Variants in EML1 observed in about 807,000 individuals in gnomAD.
EML1 encodes the protein EMAP like 1.
EML1 carries 27 observed loss-of-function variants against 110.4 expected under a neutral mutation model. The ratio of observed to expected loss-of-function variants is 0.24; its 90% CI spans 0.18 to 0.34. The LOEUF is 0.34. Among genes scored for constraint, EML1 ranks in the 10% least tolerant of loss-of-function variants. EML1 has a pLI of 1.00. For missense variants in EML1, 741 were observed against 1,030.9 expected, an observed-to-expected ratio of 0.72 and a Z score of 3.85; for synonymous variants, 344 against 385.8, an observed-to-expected ratio of 0.89 and a Z score of 1.27.
At position 99,939,099 on chromosome 14, in the gene EML1, C is replaced by T; in HGVS notation, c.2192-98C>T. 3 of 1,510,804 alleles carry T rather than the reference C, an allele frequency of 2.0e-6. No individual in the cohort carries two copies. The highest frequency in any genetic ancestry group is 1.8e-6 in the Non-Finnish European group (2 of 1,127,456). 93.6% of individuals were successfully genotyped at this position (1,510,804 alleles called of 1,614,324 possible). A position where few individuals can be genotyped will look rare whatever the true frequency, so the allele number is the denominator to read the frequency against. ...CTTGTTTCTAAAGCTGGACTTCAGG[C>T]AGTTTCATGTTCAGGACCGTTCAGT... On this transcript the variant is annotated intron_variant, in intron 20 of 21. Coordinates refer to ENST00000262233, the MANE Select transcript of EML1 (RefSeq NM_004434.3). This position sits in a 1 kb window ranked among gnomAD's most constrained non-coding sequence, Gnocchi z 4.2.
chr14:99,830,024 G>A lies in EML1; in HGVS notation c.68-20829G>A, dbSNP rs78895100. Reference sequence around the variant, plus strand: ...GTGTCTACCTAGGAGTAGAATTGCCGGATCATATGGTGATCCTACGTTTAA... The same window carrying A: ...GTGTCTACCTAGGAGTAGAATTGCCAGATCATATGGTGATCCTACGTTTAA... On this transcript the variant is annotated intron_variant, in intron 1 of 21. Transcript: ENST00000262233. Among the ~76,000 whole-genome samples, 561 of 152,288 alleles carry A rather than the reference G, an allele frequency of 3.7e-3. 4 individuals carry two copies. The highest frequency in any genetic ancestry group is 0.01 in the South Asian group (50 of 4,824).
At chr14:99,886,476 G>A (rs2059477013) in intron 4 of EML1, among the ~76,000 whole-genome samples, 1 of 152,226 alleles carries the variant, frequency 6.6e-6, no homozygotes, top group Non-Finnish European at 1.5e-5. Flanking sequence ...GCCAGACCCT[G>A]TCTCAAACAA....
chr14:99,761,006 C>A (rs1206867035), intron 1 of EML1, among the ~76,000 whole-genome samples: 1 of 152,124 alleles, frequency 6.6e-6, no homozygotes, highest in African/African-American at 2.4e-5. Flanking sequence ...CCCTCTCAGA[C>A]CAACCATGCC....
At chr14:99,841,415 T>TAAC (rs1471991879) in intron 1 of EML1, among the ~76,000 whole-genome samples, 9 of 152,202 alleles carry the variant, frequency 5.9e-5, no homozygotes, top group African/African-American at 2.2e-4. Flanking sequence ...TCATACACGC[T>TAAC]AACATTCATC....
At chr14:99,917,027 C>A (rs1312420544) in intron 15 of EML1, among the ~76,000 whole-genome samples, 1 of 152,178 alleles carries the variant, frequency 6.6e-6, no homozygotes, top group Non-Finnish European at 1.5e-5. Context: ...CATGATCCTT[C>A]CAGGCCTCCA....
intron 1 of EML1, among the ~76,000 whole-genome samples, chr14:99,743,047 T>G (rs1421899598): frequency 1.3e-5 from 2 of 152,142 alleles, no homozygotes; most frequent in Non-Finnish European, 2.9e-5. Context: ...AATCCGCAGT[T>G]GGGAAGTCCC....
Position 99,895,604 on chromosome 14 carries a change from C to G in EML1, c.677+846C>G, listed in dbSNP as rs796220028. ...CTGAAAGGAGGACTAGCATTCTCCC[C>G]TTAAACCAAGTATGGACTTGGCCAG... On this transcript the variant is annotated intron_variant, in intron 6 of 21. Transcript: ENST00000262233. 4.5e-4 allele frequency among the ~76,000 whole-genome samples: 69 copies of G among 152,238 alleles called. 1 individual carries two copies. The highest frequency in any genetic ancestry group is 1.6e-3 in the African/African-American group (66 of 41,530).
Position 99,822,766 on chromosome 14 carries a change from A to G in EML1, c.68-28087A>G, listed in dbSNP as rs189533624. Among the ~76,000 whole-genome samples the G allele has an allele frequency of 6.9e-3, 1,047 of 152,248 alleles. 16 individuals are homozygous for G. The highest frequency in any genetic ancestry group is 0.024 in the African/African-American group (1,005 of 41,554). ...GGCCATTGAACTTAAACTTGCCTGCAGGGGGTGGCAGTAGAGGAAGCCCAC... is the reference window on the plus strand; with the variant it reads ...GGCCATTGAACTTAAACTTGCCTGCGGGGGGTGGCAGTAGAGGAAGCCCAC... On this transcript the variant is annotated intron_variant, in intron 1 of 21. Transcript: ENST00000262233.
At chr14:99,777,542 C>T (rs1345405151) in intron 1 of EML1, among the ~76,000 whole-genome samples, 1 of 152,172 alleles carries the variant, frequency 6.6e-6, no homozygotes, top group Non-Finnish European at 1.5e-5. Context: ...GCCTCAGCCT[C>T]CCCAGTAGCT....
chr14:99,790,865 C>CTTTTTTTTTTTT (rs763959981), upstream of EML1, among the ~76,000 whole-genome samples: 24,370 of 135,450 alleles, frequency 0.18, 2,818 homozygotes, highest in Non-Finnish European at 0.24. Flanking sequence ...TTTTTCTTTT[C>CTTTTTTTTTTTT]CTTTTTTTTT....
At position 99,911,417 on chromosome 14, in the gene EML1, T is replaced by C. The variant is rs764944512; in HGVS notation, c.1340-5T>C. The C allele has an allele frequency of 4.5e-5, 71 of 1,585,488 alleles. 1 individual carries two copies. Among genetic ancestry groups the C allele is most frequent in the Non-Finnish European group, 5.1e-6 (6 of 1,172,804 alleles). On this transcript the variant is annotated splice_region_variant and splice_polypyrimidine_tract_variant and intron_variant, in intron 12 of 21. Transcript: ENST00000262233. The stretch of plus-strand genomic sequence containing the variant: ...TGCTAATGATGGTTTTCTTGGTGTG[T>C]TTAGGTACAAATCGAATAAGCTATG...
At chr14:99,787,498 C>T (rs1239152468) in intron 1 of EML1, among the ~76,000 whole-genome samples, 1 of 152,022 alleles carries the variant, frequency 6.6e-6, no homozygotes, top group African/African-American at 2.4e-5. Context: ...AGGCTGGTCT[C>T]GAACCCCTGA....
At position 99,916,918 on chromosome 14, in the gene EML1, A is replaced by G. The variant is rs140411041; in HGVS notation, c.1753-864A>G. ...CCTCCCTCCCCTGTGTATCTCTTTC[A>G]TGGATCTCTTTCATGGATCATTCCA... On this transcript the variant is annotated intron_variant, in intron 15 of 21. Transcript: ENST00000262233. 9.2e-5 allele frequency among the ~76,000 whole-genome samples: 14 copies of G among 152,178 alleles called. No homozygotes were observed. In the East Asian group the frequency reaches 2.7e-3, roughly 29 times the overall value.
intron 1 of EML1, among the ~76,000 whole-genome samples, chr14:99,747,663 G>A (rs923514754): frequency 6.6e-6 from 1 of 152,168 alleles, no homozygotes; most frequent in African/African-American, 2.4e-5. Context: ...TTCATGGGGC[G>A]AGCAGGGTGA....
Position 99,894,662 on chromosome 14 carries a change from GC to G in EML1, c.584del (p.Pro195LeufsTer20). ...TATGTAAAAATGTTTCTTCGTGGACGCCCTGTTACCATGTACATGCCCAAAG... is the reference window on the plus strand; with the variant it reads ...TATGTAAAAATGTTTCTTCGTGGACGCCTGTTACCATGTACATGCCCAAAG... ...EGYVKMFLRG[R>X]PVTMYMPKDQ... is the part of the protein sequence containing the mutation. On this transcript the variant is annotated frameshift_variant, in exon 6 of 22. Transcript: ENST00000262233. LOFTEE classifies it high-confidence loss of function. 1 of 1,612,342 alleles carries G rather than the reference GC, an allele frequency of 6.2e-7. No individual in the cohort carries two copies. Among genetic ancestry groups the G allele is most frequent in the Non-Finnish European group, 8.5e-7 (1 of 1,179,412 alleles).
In EML1 at chr14:99,905,908, C is replaced by A. The variant is rs1234305005; in HGVS notation, c.1009-1730C>A. ...CTAAGTTAGGCCTCTAACCCAATCC[C>A]ATCCTTTGCCCAGGTGTGTGCCCCC... On this transcript the variant is annotated intron_variant, in intron 9 of 21. Transcript: ENST00000262233. This position sits in a 1 kb window ranked among gnomAD's most constrained non-coding sequence, Gnocchi z 4.1. Among the ~76,000 whole-genome samples the A allele has an allele frequency of 1.3e-5, 2 of 151,954 alleles. No homozygotes were observed. The highest frequency in any genetic ancestry group is 3.8e-4 in the East Asian group (2 of 5,196).
chr14:99,819,442 CT>C (rs1392680927), intron 1 of EML1, among the ~76,000 whole-genome samples: 5 of 152,024 alleles, frequency 3.3e-5, no homozygotes, highest in African/African-American at 1.2e-4. Flanking sequence ...GTGGTTTTTC[CT>C]TCCCATCTAT....
chr14:99,765,721 C>T (rs2057361570), intron 1 of EML1, among the ~76,000 whole-genome samples: 1 of 152,090 alleles, frequency 6.6e-6, no homozygotes, highest in Non-Finnish European at 1.5e-5. Flanking sequence ...TCTCATGCCT[C>T]AGCCTCTCGA....
At chr14:99,779,504 C>T (rs2057517169) in intron 1 of EML1, among the ~76,000 whole-genome samples, 1 of 152,138 alleles carries the variant, frequency 6.6e-6, no homozygotes, top group Non-Finnish European at 1.5e-5. Context: ...AGATTCTTGG[C>T]TCTCCATTCA....
Sources: allele counts gnomAD v4.1 joint callset (sites outside exome capture counted in the v4.1 genomes callset), GRCh38; gene constraint gnomAD v4.1.1; non-coding constraint Gnocchi (gnomAD v3.1); transcripts MANE v1.5; gene names NCBI Gene and HGNC (gene_info 2026-07-23, HGNC 2026-07-21).